GOLT1A: variants seen among roughly 807,000 people sequenced by gnomAD.
The protein encoded by GOLT1A is vesicle transport protein GOT1A.
GOLT1A carries 10 observed loss-of-function variants against 16.1 expected under a neutral mutation model. The ratio of observed to expected loss-of-function variants is 0.62; its 90% CI spans 0.38 to 1.05. The LOEUF is 1.05. Ranked by LOEUF, GOLT1A falls within the 50% of genes least tolerant of loss-of-function variation. GOLT1A has a pLI of 0.01. For synonymous variants in GOLT1A, 60 were observed against 67.9 expected, an observed-to-expected ratio of 0.88 and a Z score of 0.57; for missense variants, 137 against 165.7, an observed-to-expected ratio of 0.83 and a Z score of 0.95.
intron 1 of GOLT1A, among the ~76,000 whole-genome samples, chr1:204,206,414 G>T (rs1284246592): frequency 6.6e-6 from 1 of 152,240 alleles, no homozygotes; most frequent in Non-Finnish European, 1.5e-5. Context: ...CATGATGAAG[G>T]TTGTGTTTTG....
chr1:204,207,006 C>T (rs950920229), intron 1 of GOLT1A, among the ~76,000 whole-genome samples: 5 of 152,184 alleles, frequency 3.3e-5, no homozygotes, highest in South Asian at 2.1e-4. Context: ...CAGTGGGACA[C>T]GAAACCCCAC....
chr1:204,201,606 T>C, intron 3 of GOLT1A, 27 bp downstream of exon 3: 1 of 1,612,110 alleles, frequency 6.2e-7, no homozygotes, highest in African/African-American at 1.3e-5. Context: ...GGTGGGTCTG[T>C]CCAGGGTTAT....
At chr1:204,198,842 G>A (rs1403079639) in intron 4 of GOLT1A, 3 of 476,748 alleles carry the variant, frequency 6.3e-6, no homozygotes, top group South Asian at 3.1e-5. Flanking sequence ...CCATGCCTGG[G>A]GCCCGCACTT....
intron 1 of GOLT1A, among the ~76,000 whole-genome samples, chr1:204,212,123 C>T (rs752857263): frequency 2.0e-5 from 3 of 152,202 alleles, no homozygotes; most frequent in Non-Finnish European, 4.4e-5. Flanking sequence ...CACAAACAGA[C>T]TCAACACATC....
intron 1 of GOLT1A, among the ~76,000 whole-genome samples, chr1:204,208,746 G>T (rs1406890169): frequency 1.3e-5 from 2 of 151,652 alleles, no homozygotes; most frequent in Non-Finnish European, 2.9e-5. Flanking sequence ...CTACACATTG[G>T]GTACAATGTA....
intron 1 of GOLT1A, among the ~76,000 whole-genome samples, chr1:204,204,871 A>G (rs1338788763): frequency 6.6e-6 from 1 of 151,986 alleles, no homozygotes; most frequent in Non-Finnish European, 1.5e-5. Context: ...GCTAATGGGT[A>G]TAAGGTAGTA....
intron 1 of GOLT1A, among the ~76,000 whole-genome samples, chr1:204,205,846 G>A (rs776707020): frequency 1.9e-4 from 29 of 152,160 alleles, no homozygotes; most frequent in Non-Finnish European, 4.0e-4. Context: ...GATGTGGGTG[G>A]ATCACTTGAA....
chr1:204,210,610 A>T (rs572106632), intron 1 of GOLT1A, among the ~76,000 whole-genome samples: 1 of 152,010 alleles, frequency 6.6e-6, no homozygotes, highest in South Asian at 2.1e-4. Flanking sequence ...ATTGGTTTAA[A>T]TTTTTTTGTT....
Position 204,201,652 on chromosome 1 carries a change from C to G in GOLT1A, c.277G>C (p.Gly93Arg), listed in dbSNP as rs748780832. 3 of 1,613,954 alleles carry G rather than the reference C, an allele frequency of 1.9e-6. No homozygotes were observed. The highest frequency in any genetic ancestry group is 2.5e-6 in the Non-Finnish European group (3 of 1,180,006). ...ACTCACTTAAAGAGGCTGAAGAATC[C>G]GTAGGTTTCCAGGAACATGCCGAGG... ...PLLGMFLETY[G>R]FFSLFKGFFP... The change falls in exon 3 of 5, where the codon GGA becomes CGA. Residue 93 changes from glycine (G) to arginine (R), a missense_variant. Coordinates refer to ENST00000308302, the MANE Select transcript of GOLT1A (RefSeq NM_198447.2).
In GOLT1A at chr1:204,213,988, C is replaced by T; in HGVS notation, c.-82G>A. The T allele has an allele frequency of 6.7e-7, 1 of 1,488,656 alleles. No individual in the cohort carries two copies. The highest frequency in any genetic ancestry group is 9.2e-7 in the Non-Finnish European group (1 of 1,083,268). 92.2% of individuals were successfully genotyped at this position (1,488,656 alleles called of 1,614,324 possible). A position where few individuals can be genotyped will look rare whatever the true frequency, so the allele number is the denominator to read the frequency against. On this transcript the variant is annotated 5_prime_UTR_variant, in exon 1 of 5. The change creates a new upstream start codon in the 5' untranslated region. Coordinates refer to ENST00000308302, the MANE Select transcript of GOLT1A (RefSeq NM_198447.2). The stretch of plus-strand genomic sequence containing the variant: ...AGAGGACGCAGCTGGTACATGGTCA[C>T]GGGAAGCTGACCCTTGGTTAAGTTG...
chr1:204,200,355 C>G (rs1387155443), intron 3 of GOLT1A, among the ~76,000 whole-genome samples: 1 of 93,936 alleles, frequency 1.1e-5, no homozygotes, highest in Non-Finnish European at 2.3e-5. Context: ...GAGAGAGTCT[C>G]GGTCTGTCAC....
At chr1:204,208,444 GTGTATATATGTATACT>G in intron 1 of GOLT1A, among the ~76,000 whole-genome samples, 7 of 72,924 alleles carry the variant, frequency 9.6e-5, no homozygotes, top group Non-Finnish European at 1.7e-4. Flanking sequence ...ATACATATGT[GTGTATATATGTATACT>G]TGTGTGTGTG....
intron 1 of GOLT1A, among the ~76,000 whole-genome samples, chr1:204,207,679 G>A (rs971474669): frequency 1.3e-5 from 2 of 152,264 alleles, no homozygotes; most frequent in East Asian, 1.9e-4. Flanking sequence ...GAACATCATC[G>A]TCTTTTTTCC....
At chr1:204,200,299 GTA>G (rs141284578) in intron 3 of GOLT1A, among the ~76,000 whole-genome samples, 1,121 of 82,580 alleles carry the variant, frequency 0.014, 88 homozygotes, top group African/African-American at 0.052. Context: ...ACATATATGT[GTA>G]TATATATATA....
At chr1:204,208,459 CTTGT>C (rs1659083495) in intron 1 of GOLT1A, among the ~76,000 whole-genome samples, 1 of 36,800 alleles carries the variant, frequency 2.7e-5, no homozygotes, top group Non-Finnish European at 5.9e-5. Flanking sequence ...TATATGTATA[CTTGT>C]GTGTGTGTGT....
intron 4 of GOLT1A, 157 bp downstream of exon 4, chr1:204,199,037 GA>G (rs1366939073): frequency 3.2e-6 from 2 of 627,978 alleles, no homozygotes; most frequent in Non-Finnish European, 5.7e-6. Context: ...GGTGCGGGGG[GA>G]AGAGGAGCCT....
intron 4 of GOLT1A, among the ~76,000 whole-genome samples, chr1:204,198,770 G>T (rs1197960645): frequency 6.6e-6 from 1 of 152,152 alleles, no homozygotes; most frequent in Non-Finnish European, 1.5e-5. Context: ...CCCCAGGAGA[G>T]GACAAAATCT....
At chr1:204,212,598 C>G (rs1659154689) in intron 1 of GOLT1A, among the ~76,000 whole-genome samples, 1 of 137,604 alleles carries the variant, frequency 7.3e-6, no homozygotes, top group Non-Finnish European at 1.5e-5. Flanking sequence ...GATCATGCCA[C>G]TGTACTCCAA....
chr1:204,200,915 C>G (rs971010439), intron 3 of GOLT1A, among the ~76,000 whole-genome samples: 1 of 152,194 alleles, frequency 6.6e-6, no homozygotes, highest in African/African-American at 2.4e-5. Context: ...CCCACCCCCA[C>G]TTTCTCTGAG....
Sources: gnomAD v4.1 joint callset for allele counts (sites outside exome capture counted in the v4.1 genomes callset) on GRCh38, gnomAD v4.1.1 for gene constraint, MANE v1.5 for transcripts, NCBI Gene and HGNC (gene_info 2026-07-23, HGNC 2026-07-21) for gene names.